Variants in ITPK1 observed in about 807,000 individuals in gnomAD.
The protein encoded by ITPK1 is inositol 1,3,4-trisphosphate 5/6-kinase.
Under a neutral mutation model 45.3 loss-of-function variants are expected in ITPK1, and 21 were observed. The ratio of observed to expected loss-of-function variants is 0.46; its 90% CI spans 0.33 to 0.67. The LOEUF (loss-of-function observed/expected upper bound fraction) is 0.67. ITPK1 is among the 30% of genes least tolerant of loss of function. ITPK1 has a pLI of 0.02. For missense variants in ITPK1, 474 were observed against 573.5 expected (o/e 0.83, Z 1.77); for synonymous variants, 258 against 253.6 (o/e 1.02, Z -0.16).
At chr14:93,068,695 C>T (rs771235388) in intron 3 of ITPK1, 3 of 152,084 alleles carry the variant, frequency 2.0e-5, no homozygotes, top group African/African-American at 7.2e-5. Context: ...GAGGGAACCC[C>T]GCTGTGGATT....
In ITPK1 at chr14:92,940,900, C is replaced by T. The variant is rs1167125374; in HGVS notation, c.*661G>A. 2.6e-5 allele frequency: 33 copies of T among 1,288,164 alleles called. No homozygotes were observed. In the Admixed American group the frequency reaches 3.2e-4, roughly 13 times the overall value. The allele number at this position is 1,288,164 out of a possible 1,614,324, so 79.8% of individuals were successfully genotyped here. ...GCTAAATGGGACGTGTGTTGGGGGG[C>T]CCAGAGGACGCCCAGCTTCCTTTCC... On this transcript the variant is annotated 3_prime_UTR_variant, in exon 11 of 11. Coordinates refer to ENST00000267615, the MANE Select transcript of ITPK1 (RefSeq NM_014216.6).
chr14:93,057,144 C>T (rs1890243709), intron 3 of ITPK1, among the ~76,000 whole-genome samples: 1 of 152,178 alleles, frequency 6.6e-6, no homozygotes, highest in African/African-American at 2.4e-5. Flanking sequence ...AGGCGACTTG[C>T]CCAGAGCACA....
intron 3 of ITPK1, among the ~76,000 whole-genome samples, chr14:93,040,668 A>G (rs1889522492): frequency 1.3e-5 from 2 of 151,986 alleles, no homozygotes; most frequent in African/African-American, 4.8e-5. Context: ...GGCCCATTCA[A>G]TGCCCCCCTC....
chr14:93,033,297 G>C (rs963093871), intron 3 of ITPK1, among the ~76,000 whole-genome samples: 4 of 152,196 alleles, frequency 2.6e-5, no homozygotes, highest in African/African-American at 9.7e-5. Flanking sequence ...AGTGCCTCAG[G>C]GACTCTGAGG....
At chr14:93,046,855 T>TC (rs1174366497) in intron 3 of ITPK1, among the ~76,000 whole-genome samples, 1 of 152,110 alleles carries the variant, frequency 6.6e-6, no homozygotes, top group Non-Finnish European at 1.5e-5. Context: ...TCGGTGGAAC[T>TC]CCCACAAGGC....
At chr14:93,100,574 C>G (rs4905046) in intron 2 of ITPK1, among the ~76,000 whole-genome samples, 63 of 105,064 alleles carry the variant, frequency 6.0e-4, no homozygotes, top group African/African-American at 1.1e-3. Flanking sequence ...GAGAGAGAGA[C>G]AGACAGACAG....
chr14:92,944,058 A>T (rs1887564141), intron 10 of ITPK1, among the ~76,000 whole-genome samples: 1 of 152,188 alleles, frequency 6.6e-6, no homozygotes, highest in Admixed American at 6.5e-5. Context: ...CCTCGTGAGG[A>T]CGAAGTGAGG....
intron 5 of ITPK1, 150 bp from the exon 6 acceptor site, chr14:92,962,999 T>A (rs1169269341): frequency 1.8e-6 from 1 of 570,836 alleles, no homozygotes; most frequent in Non-Finnish European, 3.1e-6. Context: ...CATGTGCTCG[T>A]GTGTGTGAAC....
rs575855651 is a variant in ITPK1 at position 92,961,168 on chromosome 14, C to T, written c.504+1187G>A. Among the ~76,000 whole-genome samples the T allele has an allele frequency of 2.9e-4, 44 of 152,356 alleles. 1 individual carries two copies. In the South Asian group the frequency reaches 6.4e-3, roughly 22 times the overall value. On this transcript the variant is annotated intron_variant, in intron 7 of 10. Coordinates refer to ENST00000267615, the MANE Select transcript of ITPK1 (RefSeq NM_014216.6). The stretch of plus-strand genomic sequence containing the variant: ...CAAGCCTTCCCCAGAGAGCCCACTC[C>T]GGTCAGATGCCTGTTGCCCAGCATA...
intron 5 of ITPK1, among the ~76,000 whole-genome samples, chr14:92,970,979 G>C (rs1019754104): frequency 6.6e-6 from 1 of 152,092 alleles, no homozygotes; most frequent in Admixed American, 6.5e-5. Flanking sequence ...ACCCACCCCC[G>C]GACTTCTCAG....
At chr14:92,950,456 G>A (rs533885283) in intron 9 of ITPK1, among the ~76,000 whole-genome samples, 6 of 152,390 alleles carry the variant, frequency 3.9e-5, no homozygotes, top group South Asian at 2.1e-4. Context: ...TTTGGAAATC[G>A]TCAGTCCTGG....
intron 3 of ITPK1, among the ~76,000 whole-genome samples, chr14:93,039,774 C>T (rs1239794140): frequency 6.6e-6 from 1 of 152,242 alleles, no homozygotes. Flanking sequence ...CTCAAAAACA[C>T]TTGAGGAGCT....
At chr14:92,976,590 ACTT>A (rs1885954113) in intron 5 of ITPK1, among the ~76,000 whole-genome samples, 1 of 152,266 alleles carries the variant, frequency 6.6e-6, no homozygotes, top group Non-Finnish European at 1.5e-5. Flanking sequence ...TGTGTTGGGC[ACTT>A]AACACAGCAT....
chr14:93,066,381 C>A, intron 3 of ITPK1: 1 of 389,284 alleles, frequency 2.6e-6, no homozygotes. Flanking sequence ...GGGTAGGTGT[C>A]ACTGCCAAGG....
At position 93,036,446 on chromosome 14, in the gene ITPK1, G is replaced by A. The variant is rs572963796; in HGVS notation, c.121-19645C>T. ...AGTATTCACGGCTGCTTTCCCGCAC[G>A]TCAGACACAGCCAACAATGACAAAC... On this transcript the variant is annotated intron_variant, in intron 3 of 10. Transcript: ENST00000267615. The surrounding 1 kb of genome is among the most constrained non-coding windows in gnomAD (Gnocchi z 4.1). Among the ~76,000 whole-genome samples, 5 of 152,176 alleles carry A rather than the reference G, an allele frequency of 3.3e-5. No individual in the cohort carries two copies. The South Asian group carries it at 1.0e-3, about 32-fold the overall frequency.
chr14:93,026,631 G>A (rs1888745267), intron 3 of ITPK1, among the ~76,000 whole-genome samples: 1 of 152,152 alleles, frequency 6.6e-6, no homozygotes, highest in Non-Finnish European at 1.5e-5. Context: ...TGATCTCACA[G>A]GGTGAACTCA....
Position 93,016,700 on chromosome 14 carries a change from G to T in ITPK1, c.222C>A (p.Ser74=), listed in dbSNP as rs764777267. 1.2e-6 allele frequency: 2 copies of T among 1,614,090 alleles called. No homozygotes were observed. The highest frequency in any genetic ancestry group is 1.7e-5 in the Admixed American group (1 of 60,024). ...ILEADQNDSQ[S]LELVHRFQEY... ...CCTGGAACCTGTGCACCAGCTCCAG[G>T]GACTGGCTATCATTCTGGTCGGCTT... is the stretch of plus-strand genomic sequence containing the variant. The change falls in exon 4 of 11, where the codon TCC becomes TCA. Residue 74 remains serine (S), a synonymous_variant. Transcript: ENST00000267615. The surrounding 1 kb of genome is among the most constrained non-coding windows in gnomAD (Gnocchi z 5.0).
chr14:93,087,956 G>A (rs1369781173), intron 2 of ITPK1, among the ~76,000 whole-genome samples: 2 of 152,232 alleles, frequency 1.3e-5, no homozygotes, highest in African/African-American at 4.8e-5. Context: ...AAAGGCTCCA[G>A]GCCTGGAAGC....
chr14:93,073,013 A>G (rs1373132517), intron 3 of ITPK1, among the ~76,000 whole-genome samples: 1 of 152,234 alleles, frequency 6.6e-6, no homozygotes, highest in Non-Finnish European at 1.5e-5. Flanking sequence ...GACCACCAGG[A>G]GGGTTTTATG....
Sources: allele counts gnomAD v4.1 joint callset (sites outside exome capture counted in the v4.1 genomes callset), GRCh38; gene constraint gnomAD v4.1.1; non-coding constraint Gnocchi (gnomAD v3.1); transcripts MANE v1.5; gene names NCBI Gene and HGNC (gene_info 2026-07-23, HGNC 2026-07-21).